Variants in C1orf94 observed in about 807,000 individuals in gnomAD.
C1orf94 encodes the protein uncharacterized protein C1orf94.
C1orf94 carries 45 observed loss-of-function variants against 53.6 expected under a neutral mutation model. The ratio of observed to expected loss-of-function variants is 0.84; its 90% CI spans 0.66 to 1.08. The LOEUF (loss-of-function observed/expected upper bound fraction) is 1.08. Among genes scored for constraint, C1orf94 ranks in the 50% least tolerant of loss-of-function variants. C1orf94 has a pLI of 0.00. For missense variants in C1orf94, 762 were observed against 738.9 expected, an observed-to-expected ratio of 1.03 and a Z score of -0.36; for synonymous variants, 304 against 296.1, an observed-to-expected ratio of 1.03 and a Z score of -0.27.
chr1:34,191,415 T>C (rs1460464938), intron 1 of C1orf94, among the ~76,000 whole-genome samples: 1 of 151,770 alleles, frequency 6.6e-6, no homozygotes, highest in African/African-American at 2.4e-5. Context: ...CTCCCTGACC[T>C]CCCCCACCCC....
At chr1:34,172,328 T>C (rs1289527791), upstream of C1orf94, among the ~76,000 whole-genome samples, 3 of 151,836 alleles carry the variant, frequency 2.0e-5, no homozygotes, top group African/African-American at 7.3e-5. Context: ...CTGCCATTTT[T>C]ACATTGCTAG....
At chr1:34,175,780 CCTT>C (rs140412987), upstream of C1orf94, among the ~76,000 whole-genome samples, 1 of 152,162 alleles carries the variant, frequency 6.6e-6, no homozygotes, top group African/African-American at 2.4e-5. Context: ...TTCCTCTCAT[CCTT>C]CTCAAATTTT....
At position 34,177,429 on chromosome 1, in the gene C1orf94, G is replaced by C. The variant is rs980653830; in HGVS notation, c.-361G>C. Among the ~76,000 whole-genome samples the C allele has an allele frequency of 2.6e-5, 4 of 152,170 alleles. No homozygotes were observed. Among genetic ancestry groups the C allele is most frequent in the African/African-American group, 9.7e-5 (4 of 41,450 alleles). ...AAGTTGTCACGGCGGCGTCGCAAGG[G>C]GGCAGTGCCAGGGACTGTGGGGAGA... On this transcript the variant is annotated 5_prime_UTR_variant, in exon 1 of 7. Transcript: ENST00000488417.
chr1:34,201,538 G>A (rs530337827), intron 3 of C1orf94, among the ~76,000 whole-genome samples: 44 of 152,228 alleles, frequency 2.9e-4, no homozygotes, highest in African/African-American at 1.0e-3. Context: ...AACTTCATTT[G>A]TTTAGACCAA....
chr1:34,168,410 G>C (rs142097580), intron 1 of C1orf94, among the ~76,000 whole-genome samples: 1 of 152,018 alleles, frequency 6.6e-6, no homozygotes, highest in African/African-American at 2.4e-5. Flanking sequence ...AGGAGGAGGA[G>C]GATGGGGCTG....
At chr1:34,218,335 A>G (rs1024075571) in intron 6 of C1orf94, among the ~76,000 whole-genome samples, 1 of 152,144 alleles carries the variant, frequency 6.6e-6, no homozygotes, top group African/African-American at 2.4e-5. Flanking sequence ...TAAGGCAGGT[A>G]GAGTGGTCAC....
At chr1:34,207,320 G>A (rs1642816999) in intron 4 of C1orf94, among the ~76,000 whole-genome samples, 1 of 151,134 alleles carries the variant, frequency 6.6e-6, no homozygotes, top group African/African-American at 2.4e-5. Context: ...GTCTGTGTGT[G>A]GACACATGAG....
In C1orf94 at chr1:34,213,152, G is replaced by A. The variant is rs190177569; in HGVS notation, c.1721+746G>A. Among the ~76,000 whole-genome samples, 125 of 152,324 alleles carry A rather than the reference G, an allele frequency of 8.2e-4. No homozygotes were observed. The East Asian group carries it at 0.019, about 23-fold the overall frequency. On this transcript the variant is annotated intron_variant, in intron 6 of 6. Transcript: ENST00000488417. ...TGCCCTGTCATTCCTGGGAATCCCA[G>A]TCTCCCGGGCACACCCTGGGGAATG...
intron 2 of C1orf94, among the ~76,000 whole-genome samples, chr1:34,198,670 C>A (rs1642643795): frequency 6.6e-6 from 1 of 152,240 alleles, no homozygotes; most frequent in Non-Finnish European, 1.5e-5. Context: ...TTCCTCTGGG[C>A]TATGAGCATG....
chr1:34,179,317 C>T (rs1408911895), intron 1 of C1orf94, among the ~76,000 whole-genome samples: 2 of 152,246 alleles, frequency 1.3e-5, no homozygotes, highest in Admixed American at 6.5e-5. Context: ...CCTTCAGTGG[C>T]ACTGAGCCCT....
At chr1:34,184,813 T>C (rs757974083) in intron 1 of C1orf94, among the ~76,000 whole-genome samples, 19 of 152,182 alleles carry the variant, frequency 1.2e-4, no homozygotes, top group Admixed American at 3.9e-4. Flanking sequence ...TTGGAATACA[T>C]AGCCTCTTTT....
At chr1:34,208,320 GC>G (rs1642833579) in intron 5 of C1orf94, 86 bp downstream of exon 5, 1 of 1,360,756 alleles carries the variant, frequency 7.3e-7, no homozygotes, top group African/African-American at 1.4e-5. Context: ...TCCTTTTCCA[GC>G]TGGTGACCAG....
rs542885815 is a variant in C1orf94 at position 34,217,197 on chromosome 1, G to A, written c.1722-1489G>A. Among the ~76,000 whole-genome samples the A allele has an allele frequency of 4.7e-4, 72 of 152,250 alleles. No homozygotes were observed. In the Middle Eastern group the frequency reaches 0.01, roughly 22 times the overall value. On this transcript the variant is annotated intron_variant, in intron 6 of 6. Coordinates refer to ENST00000488417, the MANE Select transcript of C1orf94 (RefSeq NM_001134734.2). ...GCAACTCAAGCTCCTCCTCCTCCAG[G>A]AAGCATTACTTGTTAACTCTCGTCC...
At chr1:34,189,259 C>T (rs74859141) in intron 1 of C1orf94, among the ~76,000 whole-genome samples, 2,083 of 151,130 alleles carry the variant, frequency 0.014, 42 homozygotes, top group African/African-American at 0.048. Flanking sequence ...GGCTGTGGTA[C>T]GTGTGTGCAT....
chr1:34,186,154 G>T (rs1005319842), intron 1 of C1orf94, among the ~76,000 whole-genome samples: 1 of 152,140 alleles, frequency 6.6e-6, no homozygotes, highest in Non-Finnish European at 1.5e-5. Context: ...AGTGTTTTAA[G>T]GTGGCCCAGA....
chr1:34,202,408 A>T, intron 4 of C1orf94, 149 bp downstream of exon 4: 1 of 846,852 alleles, frequency 1.2e-6, no homozygotes, highest in South Asian at 1.9e-5. Flanking sequence ...GGGCTATGGA[A>T]GGGCGCTGTC....
Position 34,202,167 on chromosome 1 carries a change from A to G in C1orf94, c.1354A>G (p.Thr452Ala). ...VFTPHFPTAM[T>A]SATLNQPLWL... ...CACTCCACACTTTCCTACAGCCATGACCTCAGCAACCCTGAACCAGCCACT... is the reference window on the plus strand; with the variant it reads ...CACTCCACACTTTCCTACAGCCATGGCCTCAGCAACCCTGAACCAGCCACT... Residue 452 changes from threonine (T) to alanine (A), a missense_variant, in exon 4 of 7, where the codon ACC becomes GCC. Transcript: ENST00000488417. 1 of 1,614,066 alleles carries G rather than the reference A, an allele frequency of 6.2e-7. No homozygotes were observed. Among genetic ancestry groups the G allele is most frequent in the Non-Finnish European group, 8.5e-7 (1 of 1,179,998 alleles).
rs1265338918 is a variant in C1orf94 at position 34,178,078 on chromosome 1, C to G, written c.289C>G (p.Leu97Val). Residue 97 changes from leucine (L) to valine (V), a missense_variant, in exon 1 of 7, where the codon CTA (leucine) becomes GTA (valine). Physicochemically the swap from Leu to Val is conservative, Grantham distance 32. Coordinates refer to ENST00000488417, the MANE Select transcript of C1orf94 (RefSeq NM_001134734.2). ...GCTCTCTGTCCCTGTGGTTGGAACT[C>G]TAAGAGGCAATGAGCTCAGCTTTCA... ...EQLSVPVVGTLRGNELSFQEE... is the reference protein window; with the variant it reads ...EQLSVPVVGTVRGNELSFQEE... 6.4e-7 allele frequency: 1 copy of G among 1,551,684 alleles called. No homozygotes were observed. The highest frequency in any genetic ancestry group is 1.2e-5 in the South Asian group (1 of 84,048).
chr1:34,217,414 T>A (rs1198362580), intron 6 of C1orf94, among the ~76,000 whole-genome samples: 2 of 152,240 alleles, frequency 1.3e-5, no homozygotes, highest in African/African-American at 4.8e-5. Flanking sequence ...ACAGCCTTTA[T>A]TTTGTAAGTC....
Sources: gnomAD v4.1 joint callset for allele counts (sites outside exome capture counted in the v4.1 genomes callset) on GRCh38, gnomAD v4.1.1 for gene constraint, MANE v1.5 for transcripts, NCBI Gene and HGNC (gene_info 2026-07-23, HGNC 2026-07-21) for gene names.